Variants in DSCAM observed in about 807,000 individuals in gnomAD.
The protein encoded by DSCAM is DS cell adhesion molecule.
In DSCAM, 47 loss-of-function variants were observed where a neutral mutation model predicts 217.7. The ratio of observed to expected loss-of-function variants is 0.22; its 90% confidence interval spans 0.17 to 0.28. The LOEUF (loss-of-function observed/expected upper bound fraction) is 0.28, where lower values mean the gene tolerates loss of function less well. Among genes scored for constraint, DSCAM ranks in the 10% least tolerant of loss-of-function variants. The pLI is 1.00. For missense variants in DSCAM, 2,080 were observed against 2,618.3 expected (o/e 0.79, Z 4.49); for synonymous variants, 1,056 against 1,015.3 (o/e 1.04, Z -0.76).
At chr21:40,310,145 A>G (rs1461871790) in intron 9 of DSCAM, among the ~76,000 whole-genome samples, 1 of 152,054 alleles carries the variant, frequency 6.6e-6, no homozygotes, top group African/African-American at 2.4e-5. Flanking sequence ...ACCTTTTTAG[A>G]CCTCCCTATG....
chr21:40,689,512 C>A (rs774282488), intron 3 of DSCAM, among the ~76,000 whole-genome samples: 5 of 152,272 alleles, frequency 3.3e-5, no homozygotes, highest in Non-Finnish European at 7.3e-5. Flanking sequence ...CCTAGGTCAA[C>A]TCTCTGGCAC....
At chr21:40,248,991 A>C (rs887271263) in intron 11 of DSCAM, among the ~76,000 whole-genome samples, 1 of 152,170 alleles carries the variant, frequency 6.6e-6, no homozygotes, top group Non-Finnish European at 1.5e-5. Context: ...AGACTTATTC[A>C]CCATCACACG....
intron 3 of DSCAM, among the ~76,000 whole-genome samples, chr21:40,606,669 C>A (rs181195157): frequency 1.8e-4 from 27 of 152,310 alleles, no homozygotes; most frequent in Admixed American, 4.6e-4. Flanking sequence ...CTGAGCAGCC[C>A]ACTTCTGTAT....
intron 16 of DSCAM, among the ~76,000 whole-genome samples, chr21:40,165,951 A>C (rs2090590407): frequency 1.3e-5 from 2 of 152,022 alleles, no homozygotes; most frequent in African/African-American, 4.8e-5. Flanking sequence ...ACCACCTCCC[A>C]CACTCCTCGG....
chr21:40,634,247 T>A (rs1424350343), intron 3 of DSCAM, among the ~76,000 whole-genome samples: 1 of 152,196 alleles, frequency 6.6e-6, no homozygotes, highest in Non-Finnish European at 1.5e-5. Flanking sequence ...GGAATGAGAT[T>A]CAGACCAGCT....
chr21:40,371,667 A>G (rs1324793863), intron 3 of DSCAM, among the ~76,000 whole-genome samples: 1 of 152,142 alleles, frequency 6.6e-6, no homozygotes, highest in Non-Finnish European at 1.5e-5. Context: ...TCGTTTACCC[A>G]CTTACGTTAA....
At chr21:40,383,700 A>T (rs990572486) in intron 3 of DSCAM, 1 of 152,348 alleles carries the variant, frequency 6.6e-6, no homozygotes, top group South Asian at 2.1e-4. Flanking sequence ...AGGCAATTGT[A>T]TCTGACTAGA....
intron 5 of DSCAM, among the ~76,000 whole-genome samples, chr21:40,350,635 T>A (rs976202852): frequency 2.0e-5 from 3 of 151,774 alleles, no homozygotes; most frequent in African/African-American, 7.3e-5. Flanking sequence ...ATAGCACATG[T>A]GGAGGAGGGT....
intron 32 of DSCAM, among the ~76,000 whole-genome samples, chr21:40,013,774 C>G (rs148646384): frequency 2.8e-4 from 43 of 152,290 alleles, no homozygotes; most frequent in Non-Finnish European, 4.9e-4. Flanking sequence ...ACAGGGAGAG[C>G]ACAGGGTTTG....
intron 3 of DSCAM, among the ~76,000 whole-genome samples, chr21:40,570,357 A>C (rs1011581709): frequency 3.9e-5 from 6 of 152,226 alleles, no homozygotes; most frequent in African/African-American, 7.2e-5. Context: ...AGAGCCCAGC[A>C]CAGCCCAGCC....
Position 40,687,507 on chromosome 21 carries a change from C to T in DSCAM, c.508+5303G>A, listed in dbSNP as rs577940720. The stretch of plus-strand genomic sequence containing the variant: ...AGTCAAGAGTGCACAAAGCAGAGGC[C>T]CCCCACAGCATGACCCTCAGGTCCC... On this transcript the variant is annotated intron_variant, in intron 3 of 32. Coordinates refer to ENST00000400454, the MANE Select transcript of DSCAM (RefSeq NM_001389.5). Among the ~76,000 whole-genome samples the T allele has an allele frequency of 2.0e-5, 3 of 151,974 alleles. No individual in the cohort carries two copies. The East Asian group carries it at 5.8e-4, about 29-fold the overall frequency.
chr21:40,303,657 CAAATATTTAAG>C (rs2074040305), intron 9 of DSCAM, among the ~76,000 whole-genome samples: 1 of 152,026 alleles, frequency 6.6e-6, no homozygotes, highest in Non-Finnish European at 1.5e-5. Context: ...TATTATAAAA[CAAATATTTAAG>C]AAATATTTTG....
At chr21:40,101,899 A>C (rs1196333395) in intron 20 of DSCAM, among the ~76,000 whole-genome samples, 1 of 152,108 alleles carries the variant, frequency 6.6e-6, no homozygotes. Context: ...TTGTTGGACT[A>C]TCGTTCTCTC....
intron 3 of DSCAM, among the ~76,000 whole-genome samples, chr21:40,598,161 A>G (rs1462095304): frequency 6.6e-6 from 1 of 152,136 alleles, no homozygotes; most frequent in Non-Finnish European, 1.5e-5. Context: ...TTGTCTCAGC[A>G]TTTGCCTTTT....
At chr21:40,800,487 C>A (rs1048054829) in intron 1 of DSCAM, among the ~76,000 whole-genome samples, 5 of 151,960 alleles carry the variant, frequency 3.3e-5, no homozygotes, top group African/African-American at 9.7e-5. Flanking sequence ...ATGGTGGTGA[C>A]CAGAATGCTA....
chr21:40,315,494 C>G (rs1055182584), intron 8 of DSCAM, among the ~76,000 whole-genome samples: 2 of 151,490 alleles, frequency 1.3e-5, no homozygotes, highest in African/African-American at 2.4e-5. Context: ...TTATAGAATA[C>G]AGGAAATATA....
chr21:40,536,700 C>G (rs532931662), intron 3 of DSCAM, among the ~76,000 whole-genome samples: 1 of 152,164 alleles, frequency 6.6e-6, no homozygotes, highest in Non-Finnish European at 1.5e-5. Flanking sequence ...GCCACTGCAC[C>G]CGGTCCCGGT....
intron 11 of DSCAM, among the ~76,000 whole-genome samples, chr21:40,227,099 A>G (rs1048373845): frequency 1.3e-5 from 2 of 152,124 alleles, no homozygotes; most frequent in Non-Finnish European, 2.9e-5. Flanking sequence ...TTATAGCTGC[A>G]TAGTATTTCA....
chr21:40,824,879 TAA>T (rs1569055409), intron 1 of DSCAM, among the ~76,000 whole-genome samples: 1 of 152,142 alleles, frequency 6.6e-6, no homozygotes, highest in Non-Finnish European at 1.5e-5. Context: ...ACCTTAAAAG[TAA>T]AGTTTTTAAA....
Sources: gnomAD v4.1 joint callset for allele counts (sites outside exome capture counted in the v4.1 genomes callset) on GRCh38, gnomAD v4.1.1 for gene constraint, MANE v1.5 for transcripts, NCBI Gene and HGNC (gene_info 2026-07-23, HGNC 2026-07-21) for gene names.